The following PJVK variants were observed in gnomAD, a reference collection of about 807,000 sequenced individuals.
PJVK encodes the protein autosomal recessive deafness type 59 protein.
In PJVK, 33 loss-of-function variants were observed where a neutral mutation model predicts 37.6. The observed-to-expected ratio is 0.88, with a 90% CI of 0.67 to 1.17. PJVK has a LOEUF of 1.17. Ranked by LOEUF, PJVK falls within the 50% of genes most tolerant of loss-of-function variation. The pLI, the probability that PJVK is intolerant of heterozygous loss-of-function variation, is 0.00. For synonymous variants in PJVK, 141 were observed against 143.5 expected (o/e 0.98, Z 0.13); for missense variants, 410 against 413.8 (o/e 0.99, Z 0.08).
At chr2:178,460,283 AC>A in intron 5 of PJVK, 64 bp from the exon 6 acceptor site, 1 of 1,267,598 alleles carries the variant, frequency 7.9e-7, no homozygotes, top group Middle Eastern at 2.2e-4. Flanking sequence ...AGAATTCATC[AC>A]CCCATCAAAC....
chr2:178,456,227 T>C, intron 4 of PJVK, 76 bp downstream of exon 4: 1 of 1,549,056 alleles, frequency 6.5e-7, no homozygotes, highest in Non-Finnish European at 8.8e-7. Context: ...GAATTTCTAG[T>C]CAGGCTTGTG....
rs1327173928 is a variant in PJVK at position 178,458,507 on chromosome 2, T to C, written c.550-3T>C. 3 of 1,577,774 alleles carry C rather than the reference T, an allele frequency of 1.9e-6. No individual in the cohort carries two copies. The highest frequency in any genetic ancestry group is 1.3e-5 in the African/African-American group (1 of 74,244). ...AATTATGTTATTTATTTATTCAATA[T>C]AGTTTCACTTTATGGATGAACAGAA... On this transcript the variant is annotated splice_region_variant and splice_polypyrimidine_tract_variant and intron_variant, in intron 4 of 6. Transcript: ENST00000644580.
At chr2:178,456,289 C>A in intron 4 of PJVK, 138 bp downstream of exon 4, 1 of 1,064,388 alleles carries the variant, frequency 9.4e-7, no homozygotes, top group Non-Finnish European at 1.4e-6. Flanking sequence ...GGATTTTGCA[C>A]AGCAATGTCT....
chr2:178,456,899 A>C (rs1684135559), intron 4 of PJVK, among the ~76,000 whole-genome samples: 1 of 152,234 alleles, frequency 6.6e-6, no homozygotes, highest in African/African-American at 2.4e-5. Flanking sequence ...TTTAAGAATA[A>C]AAATTGAGTG....
intron 1 of PJVK, chr2:178,452,532 T>C: frequency 2.0e-6 from 2 of 985,384 alleles, no homozygotes; most frequent in Non-Finnish European, 2.4e-6. Context: ...ATATATGAAC[T>C]CCGCATAACA....
chr2:178,456,425 T>C (rs993718610), intron 4 of PJVK, among the ~76,000 whole-genome samples: 3 of 152,062 alleles, frequency 2.0e-5, no homozygotes, highest in Admixed American at 6.5e-5. Flanking sequence ...TTAAGTGTTG[T>C]TTTAAGAATA....
intron 5 of PJVK, among the ~76,000 whole-genome samples, chr2:178,459,476 C>T (rs1168244874): frequency 6.6e-6 from 1 of 152,064 alleles, no homozygotes; most frequent in Non-Finnish European, 1.5e-5. Flanking sequence ...GCATACAGTG[C>T]ATAATAATCA....
chr2:178,455,132 C>T (rs1683954325), intron 3 of PJVK: 1 of 1,600,700 alleles, frequency 6.2e-7, no homozygotes, highest in South Asian at 1.1e-5. Flanking sequence ...GAGCTCGTGG[C>T]TCATTGAGGA....
At position 178,451,707 on chromosome 2, in the gene PJVK, G is replaced by A; in HGVS notation, c.-85G>A. The A allele has an allele frequency of 2.1e-6, 2 of 933,692 alleles. No individual in the cohort carries two copies. The highest frequency in any genetic ancestry group is 2.6e-6 in the Non-Finnish European group (2 of 782,856). 57.8% of individuals were successfully genotyped at this position (933,692 alleles called of 1,614,324 possible). On this transcript the variant is annotated 5_prime_UTR_variant, in exon 1 of 7. Transcript: ENST00000644580. ...AACACGCGGGGACGTCCAAACACCC[G>A]CTCCTCTCCCGCCGGGCGGGCTCCT... is the stretch of plus-strand genomic sequence containing the variant.
At chr2:178,460,291 A>G in intron 5 of PJVK, 57 bp from the exon 6 acceptor site, 6 of 1,405,838 alleles carry the variant, frequency 4.3e-6, no homozygotes, top group Non-Finnish European at 6.0e-6. Context: ...TCACCCCATC[A>G]AACAATAAAA....
At chr2:178,451,958 G>C (rs1697698599) in intron 1 of PJVK, 189 bp downstream of exon 1, 3 of 607,792 alleles carry the variant, frequency 4.9e-6, no homozygotes, top group African/African-American at 4.0e-5. Context: ...TGTTATGGAA[G>C]ATTGCTTGCA....
Position 178,460,401 on chromosome 2 carries a change from A to G in PJVK, c.721A>G (p.Thr241Ala). The change falls in exon 6 of 7, where the codon ACA (threonine) becomes GCA (alanine). Residue 241 changes from threonine (T) to alanine (A), a missense_variant. Physicochemically the swap from Thr to Ala is moderately conservative, Grantham distance 58. Coordinates refer to ENST00000644580, the MANE Select transcript of PJVK (RefSeq NM_001042702.5). ...AGGATTTGAAAGGGAAGAAACGGCA[A>G]CATTTGCACTGCTGTACAGGTTGAG... ...KGGFEREETA[T>A]FALLYRLRNI... 6.2e-7 allele frequency: 1 copy of G among 1,614,168 alleles called. No individual in the cohort carries two copies. Among genetic ancestry groups the G allele is most frequent in the East Asian group, 2.2e-5 (1 of 44,866 alleles).
At position 178,456,160 on chromosome 2, in the gene PJVK, C is replaced by T; in HGVS notation, c.549+9C>T. 4.3e-6 allele frequency: 7 copies of T among 1,613,534 alleles called. No individual in the cohort carries two copies. In the South Asian group the frequency reaches 7.7e-5, roughly 18 times the overall value. ...GAGGGGAAGCAATGCGGGTAAACCA[C>T]ACTTGTTGGGTTCTCTTACTAACTA... is the stretch of plus-strand genomic sequence containing the variant. On this transcript the variant is annotated intron_variant, in intron 4 of 6. Coordinates refer to ENST00000644580, the MANE Select transcript of PJVK (RefSeq NM_001042702.5).
chr2:178,456,278 A>G, intron 4 of PJVK, 127 bp downstream of exon 4: 1 of 1,235,404 alleles, frequency 8.1e-7, no homozygotes. Flanking sequence ...GCAGTTGTAT[A>G]GGATTTTGCA....
chr2:178,452,292 CAAAAAAAAA>C, intron 1 of PJVK: 3 of 874,792 alleles, frequency 3.4e-6, no homozygotes, highest in South Asian at 1.1e-4. Context: ...GACTCCCTCT[CAAAAAAAAA>C]AAAAAAAAAA....
In PJVK at chr2:178,460,419, A is replaced by G. The variant is rs1559371633; in HGVS notation, c.739A>G (p.Arg247Gly). The G allele has an allele frequency of 5.0e-6, 8 of 1,614,124 alleles. No individual in the cohort carries two copies. Among genetic ancestry groups the G allele is most frequent in the Non-Finnish European group, 5.9e-6 (7 of 1,179,976 alleles). ...EETATFALLYRLRNILFERNR... is the reference protein window; with the variant it reads ...EETATFALLYGLRNILFERNR... ...AACGGCAACATTTGCACTGCTGTAC[A>G]GGTTGAGAAATATCCTATTTGAAAG... is the stretch of plus-strand genomic sequence containing the variant. The change falls in exon 6 of 7, where the codon AGG (arginine) becomes GGG (glycine). Residue 247 changes from arginine (R) to glycine (G), a missense_variant. By Grantham distance (125) the Arg-to-Gly change is moderately radical. Transcript: ENST00000644580.
intron 2 of PJVK, chr2:178,453,833 A>G: frequency 2.0e-6 from 1 of 495,342 alleles, no homozygotes; most frequent in Non-Finnish European, 3.7e-6. Flanking sequence ...TTTCAAATCT[A>G]TCAATTATTT....
chr2:178,452,667 A>G (rs1239542984), intron 1 of PJVK: 2 of 978,358 alleles, frequency 2.0e-6, no homozygotes, highest in Non-Finnish European at 2.4e-6. Context: ...AATGAAACAA[A>G]AAGATGCAGC....
Position 178,455,163 on chromosome 2 carries a change from A to C in PJVK, c.407+636A>C, listed in dbSNP as rs1024533761. On this transcript the variant is annotated intron_variant, in intron 3 of 6. Coordinates refer to ENST00000644580, the MANE Select transcript of PJVK (RefSeq NM_001042702.5). ...GAGGACGGCAAGGTGGTGACTGTGC[A>C]TCTGGAGAAGATCAAGAAGATGGAG... is the stretch of plus-strand genomic sequence containing the variant. The C allele has an allele frequency of 4.4e-6, 7 of 1,600,148 alleles. No individual in the cohort carries two copies. The South Asian group carries it at 4.4e-5, about 10-fold the overall frequency.
Sources: gnomAD v4.1 joint callset for allele counts (sites outside exome capture counted in the v4.1 genomes callset) on GRCh38, gnomAD v4.1.1 for gene constraint, MANE v1.5 for transcripts, NCBI Gene and HGNC (gene_info 2026-07-23, HGNC 2026-07-21) for gene names.